Variants in ALK observed in about 807,000 individuals in gnomAD.
ALK encodes the protein ALK tyrosine kinase receptor.
A neutral mutation model predicts 163.1 loss-of-function variants in ALK; 74 were observed. That is an observed-to-expected ratio of 0.45 (90% CI 0.38 to 0.55). The LOEUF (loss-of-function observed/expected upper bound fraction) is 0.55, where lower values mean the gene tolerates loss of function less well. Ranked by LOEUF, ALK falls within the 20% of genes least tolerant of loss-of-function variation. The pLI, the probability that ALK is intolerant of heterozygous loss-of-function variation, is 0.00. For missense variants in ALK, 2,063 were observed against 2,105.3 expected, an observed-to-expected ratio of 0.98 and a Z score of 0.39; for synonymous variants, 960 against 843.2, an observed-to-expected ratio of 1.14 and a Z score of -2.40.
chr2:29,300,631 G>A (rs1387066433), intron 8 of ALK, among the ~76,000 whole-genome samples: 2 of 151,538 alleles, frequency 1.3e-5, no homozygotes, highest in Non-Finnish European at 2.9e-5. Flanking sequence ...GGGATGAGGA[G>A]AAAGGTGGAT....
chr2:29,649,737 C>T (rs1190380962), intron 3 of ALK, among the ~76,000 whole-genome samples: 4 of 152,092 alleles, frequency 2.6e-5, no homozygotes, highest in Non-Finnish European at 5.9e-5. Flanking sequence ...CACCCATGCT[C>T]TCACCTCTGC....
At chr2:29,444,701 C>T (rs1558326876) in intron 4 of ALK, among the ~76,000 whole-genome samples, 1 of 152,072 alleles carries the variant, frequency 6.6e-6, no homozygotes, top group Non-Finnish European at 1.5e-5. Flanking sequence ...TTATTAAACT[C>T]AAAAGTTCAT....
chr2:29,253,896 G>A lies in ALK; in HGVS notation c.2042-2629C>T, dbSNP rs111254404. ...GATAGATAGATAGATAGATAGATAG[G>A]TAGATAGCTGTGGTTTGGCTGTGTC... is the stretch of plus-strand genomic sequence containing the variant. On this transcript the variant is annotated intron_variant, in intron 11 of 28. Coordinates refer to ENST00000389048, the MANE Select transcript of ALK (RefSeq NM_004304.5). Among the ~76,000 whole-genome samples, 507 of 142,000 alleles carry A rather than the reference G, an allele frequency of 3.6e-3. 4 individuals carry two copies. The highest frequency in any genetic ancestry group is 0.011 in the African/African-American group (389 of 36,388). The allele number at this position is 142,000 out of a possible 152,430, so 93.2% of individuals were successfully genotyped here. A position where few individuals can be genotyped will look rare whatever the true frequency, so the allele number is the denominator to read the frequency against.
intron 3 of ALK, among the ~76,000 whole-genome samples, chr2:29,648,497 A>T (rs567340912): frequency 6.6e-6 from 1 of 151,990 alleles, no homozygotes; most frequent in Non-Finnish European, 1.5e-5. Context: ...TTAAACACCA[A>T]TTCACTCCCC....
intron 1 of ALK, among the ~76,000 whole-genome samples, chr2:29,901,728 A>C (rs995600282): frequency 1.3e-5 from 2 of 152,238 alleles, no homozygotes; most frequent in Non-Finnish European, 2.9e-5. Flanking sequence ...CTCTAAAGAA[A>C]GCCTCTCTCC....
intron 1 of ALK, among the ~76,000 whole-genome samples, chr2:29,789,218 C>A (rs1304589290): frequency 1.3e-5 from 2 of 152,164 alleles, no homozygotes; most frequent in Admixed American, 1.3e-4. Flanking sequence ...TAGAGGATAT[C>A]ATTTCATTTA....
At chr2:29,267,348 G>A (rs1406001366) in intron 11 of ALK, among the ~76,000 whole-genome samples, 1 of 152,204 alleles carries the variant, frequency 6.6e-6, no homozygotes, top group Non-Finnish European at 1.5e-5. Flanking sequence ...GGACCCAGTT[G>A]AGCTGTGTCT....
intron 1 of ALK, among the ~76,000 whole-genome samples, chr2:29,755,421 G>A (rs1179824584): frequency 2.0e-5 from 3 of 152,230 alleles, no homozygotes; most frequent in Non-Finnish European, 2.9e-5. Flanking sequence ...GGTTTTAGGG[G>A]AAGAATTCTC....
rs544121264 is a variant in ALK at position 29,718,848 on chromosome 2, A to G, written c.668-1151T>C. Among the ~76,000 whole-genome samples the G allele has an allele frequency of 5.9e-5, 9 of 152,318 alleles. No individual in the cohort carries two copies. In the East Asian group the frequency reaches 1.7e-3, roughly 29 times the overall value. On this transcript the variant is annotated intron_variant, in intron 1 of 28. Coordinates refer to ENST00000389048, the MANE Select transcript of ALK (RefSeq NM_004304.5). ...ACCCACTTGGAGGGACTTTGTGAAG[A>G]GGAAAAGGGGGAGAAGAGGAGAAGA...
chr2:29,889,814 T>C (rs1232141682), intron 1 of ALK, among the ~76,000 whole-genome samples: 1 of 146,960 alleles, frequency 6.8e-6, no homozygotes, highest in African/African-American at 2.5e-5. Context: ...GGACACAGAC[T>C]CCAGTACTGC....
intron 1 of ALK, among the ~76,000 whole-genome samples, chr2:29,918,617 T>C (rs555163768): frequency 6.6e-6 from 1 of 152,316 alleles, no homozygotes; most frequent in East Asian, 1.9e-4. Flanking sequence ...ACTCTGTTTT[T>C]CTTGGGGGTC....
chr2:29,672,646 T>C (rs1172942216), intron 3 of ALK, among the ~76,000 whole-genome samples: 1 of 152,094 alleles, frequency 6.6e-6, no homozygotes, highest in Non-Finnish European at 1.5e-5. Context: ...TACGTGTGCA[T>C]GTGTCTTCAT....
chr2:29,367,711 A>T (rs1332419942), intron 5 of ALK, among the ~76,000 whole-genome samples: 2 of 152,178 alleles, frequency 1.3e-5, no homozygotes, highest in African/African-American at 2.4e-5. Flanking sequence ...GATGTTGTGT[A>T]TTGAAGGGCC....
At chr2:29,451,045 C>T (rs908610290) in intron 4 of ALK, among the ~76,000 whole-genome samples, 10 of 152,136 alleles carry the variant, frequency 6.6e-5, no homozygotes, top group South Asian at 2.1e-4. Flanking sequence ...TGTTTTTCAA[C>T]GAGCTTAATT....
chr2:29,328,278 G>A, intron 6 of ALK, 72 bp downstream of exon 6: 1 of 1,609,776 alleles, frequency 6.2e-7, no homozygotes, highest in Non-Finnish European at 8.5e-7. Flanking sequence ...TCTCATGCCT[G>A]GGATAATGGG....
chr2:29,257,450 T>C (rs1047909353), intron 11 of ALK, among the ~76,000 whole-genome samples: 1 of 151,968 alleles, frequency 6.6e-6, no homozygotes, highest in Non-Finnish European at 1.5e-5. Flanking sequence ...AACAAATCAA[T>C]TAGTAATAAA....
At chr2:29,288,965 AATAAATAAAT>A (rs1665940971) in intron 9 of ALK, among the ~76,000 whole-genome samples, 2 of 132,336 alleles carry the variant, frequency 1.5e-5, no homozygotes, top group African/African-American at 3.1e-5. Context: ...AAAATAAATA[AATAAATAAAT>A]AAATAAATAA....
chr2:29,903,064 A>G (rs939362133), intron 1 of ALK, among the ~76,000 whole-genome samples: 1 of 152,158 alleles, frequency 6.6e-6, no homozygotes, highest in Non-Finnish European at 1.5e-5. Flanking sequence ...TTGAATCCCC[A>G]AATGCTGACT....
chr2:29,193,753 G>C lies in ALK; in HGVS notation c.4334C>G (p.Pro1445Arg), dbSNP rs2148138675. The C allele has an allele frequency of 6.3e-7, 1 of 1,598,198 alleles. No homozygotes were observed. Among genetic ancestry groups the C allele is most frequent in the Non-Finnish European group, 8.5e-7 (1 of 1,171,138 alleles). The part of the protein sequence containing the change: ...ERSPAAPPPL[P>R]TTSSGKAAKK... ...TGCAGCCTTGCCAGAGGAGGTGGTA[G>C]GCAGAGGTGGTGGGGCAGCTGGGCT... is the stretch of plus-strand genomic sequence containing the variant. Residue 1445 changes from proline (P) to arginine (R), a missense_variant, in exon 29 of 29, where the codon CCT becomes CGT. Around this residue, in one of 5 missense-constraint regions of ALK, gnomAD observed 403 missense variants for 366.2 expected, o/e 1.10. Transcript: ENST00000389048.
Sources: allele counts gnomAD v4.1 joint callset (sites outside exome capture counted in the v4.1 genomes callset), GRCh38; gene constraint gnomAD v4.1.1; regional missense constraint gnomAD v4.1.1; transcripts MANE v1.5; gene names NCBI Gene and HGNC (gene_info 2026-07-23, HGNC 2026-07-21).